Variants in GPATCH1 observed in about 807,000 individuals in gnomAD.
GPATCH1 encodes the protein G-patch domain containing 1, also known as G patch domain-containing protein 1.
Under a neutral mutation model 114.9 loss-of-function variants are expected in GPATCH1, and 73 were observed. The ratio of observed to expected loss-of-function variants is 0.64; its 90% CI spans 0.53 to 0.77. The LOEUF (loss-of-function observed/expected upper bound fraction) is 0.77, where lower values mean the gene tolerates loss of function less well. Ranked by LOEUF, GPATCH1 falls within the 30% of genes least tolerant of loss-of-function variation. The pLI is 0.00. For missense variants in GPATCH1, 1,058 were observed against 1,144.3 expected (o/e 0.92, Z 1.09); for synonymous variants, 391 against 428.4 (o/e 0.91, Z 1.08).
chr19:33,096,934 T>G (rs1311284600), intron 7 of GPATCH1, among the ~76,000 whole-genome samples: 2 of 147,494 alleles, frequency 1.4e-5, no homozygotes, highest in Non-Finnish European at 3.0e-5. Flanking sequence ...TGGCCACCTT[T>G]TCTTTCTTTC....
chr19:33,112,535 A>T lies in GPATCH1; in HGVS notation c.1814A>T (p.Lys605Met). 6.2e-7 allele frequency: 1 copy of T among 1,614,022 alleles called. No homozygotes were observed. The change falls in exon 13 of 20, where the codon AAG becomes ATG. Residue 605 changes from lysine to methionine, a missense_variant. Lys to Met is a moderately conservative substitution (Grantham distance 95, BLOSUM62 -1). Around this residue, in one of 3 missense-constraint regions of GPATCH1, gnomAD observed 893 missense variants for 977.4 expected, o/e 0.91. Coordinates refer to ENST00000170564, the MANE Select transcript of GPATCH1 (RefSeq NM_018025.3). ...GCTGTGAAGATGAAGATGTTTGGGA[A>T]GCTCACCCGAGACACGTTTGAGTGG... is the stretch of plus-strand genomic sequence containing the variant. ...QSAVKMKMFG[K>M]LTRDTFEWHP...
chr19:33,108,535 T>C (rs1272274906), intron 10 of GPATCH1, among the ~76,000 whole-genome samples: 2 of 151,852 alleles, frequency 1.3e-5, no homozygotes, highest in Non-Finnish European at 2.9e-5. Flanking sequence ...TTATGACTTA[T>C]CTCGAATGTT....
chr19:33,095,562 C>CT lies in GPATCH1; in HGVS notation c.554-189dup, dbSNP rs920526614. Among the ~76,000 whole-genome samples, 103 of 146,536 alleles carry CT rather than the reference C, an allele frequency of 7.0e-4. No homozygotes were observed. The East Asian group carries it at 7.4e-3, about 10-fold the overall frequency. On this transcript the variant is annotated intron_variant, in intron 5 of 19. Coordinates refer to ENST00000170564, the MANE Select transcript of GPATCH1 (RefSeq NM_018025.3). ...ACAGGCATGAGCCGCTGCGCCCAGCCTTTTTTTTTTTAAATTTTTTGTGGA... is the reference window on the plus strand; with the variant it reads ...ACAGGCATGAGCCGCTGCGCCCAGCCTTTTTTTTTTTTAAATTTTTTGTGGA...
chr19:33,123,177 G>A (rs993761987), intron 17 of GPATCH1, among the ~76,000 whole-genome samples: 2 of 151,778 alleles, frequency 1.3e-5, no homozygotes, highest in African/African-American at 4.8e-5. Context: ...AAGGTGGGCG[G>A]ATCACCTGAG....
intron 12 of GPATCH1, among the ~76,000 whole-genome samples, chr19:33,112,111 G>A (rs935676010): frequency 6.6e-6 from 1 of 151,916 alleles, no homozygotes; most frequent in African/African-American, 2.4e-5. Flanking sequence ...GATTACAGGC[G>A]CTCGCCACAA....
chr19:33,119,474 C>T (rs1360395028), intron 17 of GPATCH1, among the ~76,000 whole-genome samples: 5 of 150,264 alleles, frequency 3.3e-5, no homozygotes, highest in African/African-American at 4.9e-5. Flanking sequence ...CCGAGGTGGG[C>T]GGATCACGAG....
At chr19:33,101,947 T>G (rs1361398544) in intron 9 of GPATCH1, among the ~76,000 whole-genome samples, 2 of 150,796 alleles carry the variant, frequency 1.3e-5, no homozygotes, top group African/African-American at 4.9e-5. Context: ...GAGAATCACT[T>G]GAACCCAGGA....
Position 33,106,712 on chromosome 19 carries a change from G to T in GPATCH1, c.1098G>T (p.Glu366Asp). The change falls in exon 10 of 20, where the codon GAG (glutamate) becomes GAT (aspartate). Residue 366 changes from glutamate to aspartate, a missense_variant. Physicochemically the swap from Glu to Asp is conservative, Grantham distance 45. Around this residue, in one of 3 missense-constraint regions of GPATCH1, gnomAD observed 893 missense variants for 977.4 expected, o/e 0.91. Coordinates refer to ENST00000170564, the MANE Select transcript of GPATCH1 (RefSeq NM_018025.3). The stretch of plus-strand genomic sequence containing the variant: ...TTGTTAAGATCTATCCACCTCCAGA[G>T]CTGCCAAGAGACTATCGACCAGTGC... ...LSSKKIYPPPELPRDYRPVHY... is the reference protein window; with the variant it reads ...LSSKKIYPPPDLPRDYRPVHY... 1 of 1,613,596 alleles carries T rather than the reference G, an allele frequency of 6.2e-7. No individual in the cohort carries two copies. Among genetic ancestry groups the T allele is most frequent in the Non-Finnish European group, 8.5e-7 (1 of 1,179,808 alleles).
intron 2 of GPATCH1, among the ~76,000 whole-genome samples, chr19:33,088,677 G>A (rs1455178744): frequency 5.9e-5 from 6 of 102,106 alleles, no homozygotes; most frequent in Admixed American, 3.3e-4. Context: ...TTTTTTTTGC[G>A]ATGGAGTCTT....
At chr19:33,096,651 C>T (rs939418674) in intron 7 of GPATCH1, among the ~76,000 whole-genome samples, 14 of 151,354 alleles carry the variant, frequency 9.2e-5, no homozygotes, top group African/African-American at 2.7e-4. Flanking sequence ...TTTTTTGAGA[C>T]GGGGTTTCGC....
chr19:33,101,676 T>G lies in GPATCH1; in HGVS notation c.1080+102T>G, dbSNP rs900582815. 5 of 655,256 alleles carry G rather than the reference T, an allele frequency of 7.6e-6. No individual in the cohort carries two copies. In the Admixed American group the frequency reaches 1.4e-4, roughly 18 times the overall value. 40.6% of individuals were successfully genotyped at this position (655,256 alleles called of 1,614,324 possible). A position where few individuals can be genotyped will look rare whatever the true frequency, so the allele number is the denominator to read the frequency against. On this transcript the variant is annotated intron_variant, in intron 9 of 19. Transcript: ENST00000170564. The stretch of plus-strand genomic sequence containing the variant: ...ATTAACAACAGGAAAGATAAGTAAA[T>G]TCTGTTTTCAAAAAACAACAGCCTG...
chr19:33,096,952 C>CTTTT (rs35729995), intron 7 of GPATCH1, among the ~76,000 whole-genome samples: 24 of 132,144 alleles, frequency 1.8e-4, no homozygotes, highest in South Asian at 4.8e-4. Flanking sequence ...TTCTTTCTTT[C>CTTTT]TTTTTTTTTT....
intron 12 of GPATCH1, 87 bp downstream of exon 12, chr19:33,111,989 G>A (rs550997029): frequency 9.5e-5 from 95 of 1,003,478 alleles, no homozygotes; most frequent in Middle Eastern, 7.5e-4. Context: ...TTTTTGAGAC[G>A]GAGTCTCTCT....
intron 1 of GPATCH1, among the ~76,000 whole-genome samples, chr19:33,083,066 G>A (rs975478651): frequency 5.3e-5 from 8 of 150,694 alleles, no homozygotes; most frequent in African/African-American, 1.7e-4. Context: ...GTGAAACCCC[G>A]TCTCTACTAA....
At chr19:33,091,109 A>G (rs912367474) in intron 3 of GPATCH1, among the ~76,000 whole-genome samples, 1 of 152,128 alleles carries the variant, frequency 6.6e-6, no homozygotes, top group Non-Finnish European at 1.5e-5. Context: ...ATATACAGGC[A>G]ATTTACTTGA....
chr19:33,114,116 C>A, intron 14 of GPATCH1, 137 bp from the exon 15 acceptor site: 1 of 931,118 alleles, frequency 1.1e-6, no homozygotes, highest in Non-Finnish European at 1.7e-6. Flanking sequence ...GCCTCTGCCA[C>A]CTACCTCCCC....
chr19:33,084,108 C>T (rs1972510088), intron 1 of GPATCH1, among the ~76,000 whole-genome samples: 1 of 152,202 alleles, frequency 6.6e-6, no homozygotes, highest in Admixed American at 6.6e-5. Context: ...CCATGCCCAG[C>T]CAGTTTTCTA....
In GPATCH1 at chr19:33,095,758, C is replaced by G. The variant is rs1463361692; in HGVS notation, c.554-4C>G. On this transcript the variant is annotated splice_polypyrimidine_tract_variant and splice_region_variant and intron_variant, in intron 5 of 19. Transcript: ENST00000170564. ...GACTATTGCATTTGAAATCTCTTTT[C>G]TAGATCCTGGAGTCAAAATCTATGG... The G allele has an allele frequency of 6.2e-7, 1 of 1,605,382 alleles. No individual in the cohort carries two copies. The highest frequency in any genetic ancestry group is 2.2e-5 in the East Asian group (1 of 44,832).
chr19:33,113,575 A>T (rs1417234831), intron 13 of GPATCH1, 192 bp from the exon 14 acceptor site: 2 of 534,828 alleles, frequency 3.7e-6, no homozygotes, highest in Non-Finnish European at 6.7e-6. Flanking sequence ...TCTTGTCCTT[A>T]TCATAATAAG....
Sources: allele counts gnomAD v4.1 joint callset (sites outside exome capture counted in the v4.1 genomes callset), GRCh38; gene constraint gnomAD v4.1.1; regional missense constraint gnomAD v4.1.1; transcripts MANE v1.5; gene names NCBI Gene and HGNC (gene_info 2026-07-23, HGNC 2026-07-21).